Variants in NUDT1 observed in about 807,000 individuals in gnomAD.
NUDT1 encodes the protein oxidized purine nucleoside triphosphate hydrolase.
In NUDT1, 16 loss-of-function variants were observed where a neutral mutation model predicts 11.3. That is an observed-to-expected ratio of 1.41 (90% CI 0.96 to 2.15). NUDT1 has a LOEUF of 2.15. Among genes scored for constraint, NUDT1 ranks in the 30% most tolerant of loss-of-function variants. The probability of loss-of-function intolerance (pLI) is 0.00; values close to 1 mark genes in which losing one functional copy is unlikely to be tolerated. For missense variants in NUDT1, 234 were observed against 208.4 expected, an observed-to-expected ratio of 1.12 and a Z score of -0.76; for synonymous variants, 101 against 84.4, an observed-to-expected ratio of 1.20 and a Z score of -1.08.
At chr7:2,242,767 C>T (rs1794600073) in intron 1 of NUDT1, 1 of 504,330 alleles carries the variant, frequency 2.0e-6, no homozygotes, top group Non-Finnish European at 3.5e-6. Context: ...GCTCCCACCC[C>T]ACGGCAGTGT....
chr7:2,244,408 C>T (rs1794681600), intron 1 of NUDT1, 155 bp from the exon 2 acceptor site: 2 of 704,564 alleles, frequency 2.8e-6, no homozygotes, highest in African/African-American at 3.6e-5. Flanking sequence ...TTTCCACCTG[C>T]CACAAGGGAA....
At position 2,242,287 on chromosome 7, in the gene NUDT1, G is replaced by GT. The variant is rs1378116196; in HGVS notation, c.-13+32dup. 109 of 1,036,966 alleles carry GT rather than the reference G, an allele frequency of 1.1e-4. No homozygotes were observed. The South Asian group carries it at 1.8e-3, about 17-fold the overall frequency. The allele number at this position is 1,036,966 out of a possible 1,614,324, so 64.2% of individuals were successfully genotyped here. On this transcript the variant is annotated intron_variant, in intron 1 of 3. Coordinates refer to ENST00000356714, the MANE Select transcript of NUDT1 (RefSeq NM_002452.4). The stretch of plus-strand genomic sequence containing the variant: ...AAAAGCGCGCGCGGGGATTCCAGGA[G>GT]TCGTGGTGACCAGGGAGGGGAGCCG...
At chr7:2,248,550 T>TTTC (rs1175333479) in intron 2 of NUDT1, among the ~76,000 whole-genome samples, 1 of 97,866 alleles carries the variant, frequency 1.0e-5, no homozygotes, top group African/African-American at 3.3e-5. Context: ...ATGTTTGCTT[T>TTTC]TTTTTTTTTT....
At chr7:2,244,751 T>C in intron 2 of NUDT1, 25 bp downstream of exon 2, 1 of 1,594,318 alleles carries the variant, frequency 6.3e-7, no homozygotes, top group Non-Finnish European at 8.5e-7. Context: ...GGTCTGGCCA[T>C]AGAACCGGCT....
chr7:2,247,302 C>T (rs181602298), intron 2 of NUDT1, among the ~76,000 whole-genome samples: 226 of 152,308 alleles, frequency 1.5e-3, no homozygotes, highest in Middle Eastern at 0.01. Flanking sequence ...GGCCAAGAGC[C>T]GGTTTAGGCA....
Position 2,244,703 on chromosome 7 carries a change from G to A in NUDT1, c.129G>A (p.Glu43=). Residue 43 remains glutamate, a synonymous_variant, in exon 2 of 4, where the codon GAG becomes GAA. Coordinates refer to ENST00000356714, the MANE Select transcript of NUDT1 (RefSeq NM_002452.4). ...NGFGGKVQEG[E]TIEDGARREL... ...TTGGGGGCAAAGTGCAAGAAGGAGA[G>A]ACCATCGAGGATGGGGCTAGGAGGT... 1 of 1,612,112 alleles carries A rather than the reference G, an allele frequency of 6.2e-7. No individual in the cohort carries two copies. Among genetic ancestry groups the A allele is most frequent in the Non-Finnish European group, 8.5e-7 (1 of 1,179,344 alleles).
chr7:2,245,316 G>A (rs1201730694), intron 2 of NUDT1, among the ~76,000 whole-genome samples: 4 of 152,178 alleles, frequency 2.6e-5, no homozygotes, highest in Admixed American at 6.5e-5. Flanking sequence ...CTGCACAGAC[G>A]TTAGCCCCCG....
At chr7:2,242,299 A>G (rs1175348727) in intron 1 of NUDT1, 43 bp downstream of exon 1, 2 of 885,950 alleles carry the variant, frequency 2.3e-6, no homozygotes, top group East Asian at 3.2e-5. Flanking sequence ...CGTGGTGACC[A>G]GGGAGGGGAG....
chr7:2,242,450 A>G, intron 1 of NUDT1, 194 bp downstream of exon 1: 2 of 485,394 alleles, frequency 4.1e-6, no homozygotes, highest in South Asian at 3.0e-5. Flanking sequence ...GGTTTGGGAG[A>G]GAGACAAGGA....
intron 1 of NUDT1, among the ~76,000 whole-genome samples, chr7:2,243,269 C>T (rs1454528026): frequency 6.6e-6 from 1 of 152,098 alleles, no homozygotes; most frequent in Non-Finnish European, 1.5e-5. Context: ...GGAAATGCAA[C>T]ATTTGGGCAA....
intron 1 of NUDT1, chr7:2,242,899 G>A: frequency 1.4e-6 from 1 of 704,974 alleles, no homozygotes; most frequent in Non-Finnish European, 2.6e-6. Flanking sequence ...CTTATCGCAA[G>A]GACAGAGGGC....
intron 2 of NUDT1, among the ~76,000 whole-genome samples, chr7:2,246,434 G>A (rs1306628615): frequency 6.6e-6 from 1 of 152,228 alleles, no homozygotes; most frequent in Non-Finnish European, 1.5e-5. Flanking sequence ...GGAGACATTT[G>A]CAGAAGCACA....
rs761039063 is a variant in NUDT1, at chr7:2,250,848, C to G, written c.318C>G (p.Phe106Leu). The change falls in exon 4 of 4, where the codon TTC becomes TTG. Residue 106 changes from phenylalanine to leucine, a missense_variant. Physicochemically the swap from Phe to Leu is conservative, Grantham distance 22. Coordinates refer to ENST00000356714, the MANE Select transcript of NUDT1 (RefSeq NM_002452.4). ...VESDEMRPCW[F>L]QLDQIPFKDM... is the part of the protein sequence containing the mutation. ...GTACAGAAATGCGCCCATGCTGGTT[C>G]CAGCTGGATCAGATCCCCTTCAAGG... The G allele has an allele frequency of 1.2e-6, 2 of 1,614,198 alleles. No homozygotes were observed. The highest frequency in any genetic ancestry group is 2.2e-5 in the South Asian group (2 of 91,080).
At chr7:2,243,897 G>A (rs1794660056) in intron 1 of NUDT1, among the ~76,000 whole-genome samples, 2 of 152,186 alleles carry the variant, frequency 1.3e-5, no homozygotes, top group Admixed American at 1.3e-4. Context: ...ACCTATGGGA[G>A]CAGGAAGGAC....
intron 2 of NUDT1, among the ~76,000 whole-genome samples, chr7:2,247,138 G>C (rs1794798493): frequency 6.6e-6 from 1 of 152,160 alleles, no homozygotes; most frequent in Admixed American, 6.5e-5. Flanking sequence ...GAATGGATTT[G>C]CTCCTGGGGC....
intron 2 of NUDT1, among the ~76,000 whole-genome samples, chr7:2,245,422 G>A (rs1000578485): frequency 2.0e-5 from 3 of 152,228 alleles, no homozygotes; most frequent in Non-Finnish European, 4.4e-5. Context: ...CCAGGACGCT[G>A]CAGCCTAGTG....
At chr7:2,244,033 G>A (rs750390432) in intron 1 of NUDT1, among the ~76,000 whole-genome samples, 3 of 152,196 alleles carry the variant, frequency 2.0e-5, no homozygotes, top group Non-Finnish European at 4.4e-5. Flanking sequence ...GGGTGGACCT[G>A]TGTCTACAGC....
chr7:2,245,419 G>A lies in NUDT1; in HGVS notation c.152+693G>A, dbSNP rs771758577. Among the ~76,000 whole-genome samples, 7 of 152,314 alleles carry A rather than the reference G, an allele frequency of 4.6e-5. No individual in the cohort carries two copies. The East Asian group carries it at 7.7e-4, about 17-fold the overall frequency. ...TCCTGGCACGGAGGAAAGCCAGGAC[G>A]CTGCAGCCTAGTGGCTTTCCAATTT... is the stretch of plus-strand genomic sequence containing the variant. On this transcript the variant is annotated intron_variant, in intron 2 of 3. Coordinates refer to ENST00000356714, the MANE Select transcript of NUDT1 (RefSeq NM_002452.4).
In NUDT1 at chr7:2,250,018, C is replaced by A. The variant is rs745648320; in HGVS notation, c.298+16C>A. 7 of 1,613,448 alleles carry A rather than the reference C, an allele frequency of 4.3e-6. No homozygotes were observed. Among genetic ancestry groups the A allele is most frequent in the Admixed American group, 1.7e-5 (1 of 60,018 alleles). On this transcript the variant is annotated intron_variant, in intron 3 of 3. Transcript: ENST00000356714. ...GAGAGCGACGGTGAGTCTCACAGGGCCTGCTCCCCCTCCCCACTATGCGGG... is the reference window on the plus strand; with the variant it reads ...GAGAGCGACGGTGAGTCTCACAGGGACTGCTCCCCCTCCCCACTATGCGGG...
Sources: allele counts gnomAD v4.1 joint callset (sites outside exome capture counted in the v4.1 genomes callset), GRCh38; gene constraint gnomAD v4.1.1; transcripts MANE v1.5; gene names NCBI Gene and HGNC (gene_info 2026-07-23, HGNC 2026-07-21).